The following MPO variants were observed in gnomAD, a reference collection of about 807,000 sequenced individuals.
MPO encodes myeloperoxidase.
Under a neutral mutation model 69.4 loss-of-function variants are expected in MPO, and 57 were observed. The observed-to-expected ratio is 0.82, with a 90% confidence interval of 0.66 to 1.02. The LOEUF (loss-of-function observed/expected upper bound fraction) is 1.02. Ranked by LOEUF, MPO falls within the 50% of genes least tolerant of loss-of-function variation. MPO has a pLI of 0.00. For synonymous variants in MPO, 426 were observed against 417.1 expected (o/e 1.02, Z -0.26); for missense variants, 971 against 1,014.1 (o/e 0.96, Z 0.58).
At chr17:58,274,419 A>G (rs1598040606) in intron 8 of MPO, among the ~76,000 whole-genome samples, 1 of 150,378 alleles carries the variant, frequency 6.6e-6, no homozygotes, top group Non-Finnish European at 1.5e-5. Flanking sequence ...TCTGAGGGAG[A>G]GGGTGGGGGC....
Position 58,279,285 on chromosome 17 carries a change from G to C in MPO, c.678+12C>G. On this transcript the variant is annotated intron_variant, in intron 5 of 11. Transcript: ENST00000225275. ...TGGCCGGGCCTCGCCCCCTCTGCCC[G>C]CCGGCGCTCACCAGAGCCACCGGGA... 6.4e-7 allele frequency: 1 copy of C among 1,562,702 alleles called. No individual in the cohort carries two copies. The highest frequency in any genetic ancestry group is 1.4e-5 in the African/African-American group (1 of 73,882).
intron 8 of MPO, among the ~76,000 whole-genome samples, chr17:58,273,908 T>C (rs1002450453): frequency 4.6e-5 from 7 of 152,210 alleles, no homozygotes; most frequent in Non-Finnish European, 4.4e-5. Flanking sequence ...ATTATTAACC[T>C]CTCTGAGCCT....
chr17:58,279,477 C>T (rs1360591951), intron 4 of MPO, 46 bp downstream of exon 4: 1 of 1,612,522 alleles, frequency 6.2e-7, no homozygotes, highest in South Asian at 1.1e-5. Context: ...GCGTCCGGGA[C>T]GCCTCTCTGA....
rs201720064 is a variant in MPO at position 58,271,689 on chromosome 17, C to G, written c.1996G>C (p.Gly666Arg). 6.3e-5 allele frequency: 101 copies of G among 1,613,810 alleles called. No individual in the cohort carries two copies. The highest frequency in any genetic ancestry group is 8.5e-6 in the Non-Finnish European group (10 of 1,180,046). Residue 666 changes from glycine (G) to arginine (R), a missense_variant, in exon 11 of 12, where the codon GGT (glycine) becomes CGT (arginine). Transcript: ENST00000225275. ...TCCCGGAGCTTCCTGAACTGGGTAC[C>G]GATGATGCAGGCGAGGAGTGGGCCC... Reference protein sequence around the residue: ...RVGPLLACIIGTQFRKLRDGD... With the variant: ...RVGPLLACIIRTQFRKLRDGD...
Position 58,279,901 on chromosome 17 carries a change from A to G in MPO, c.362T>C (p.Val121Ala). 1 of 1,614,082 alleles carries G rather than the reference A, an allele frequency of 6.2e-7. No homozygotes were observed. The highest frequency in any genetic ancestry group is 1.1e-5 in the South Asian group (1 of 91,092). ...CTTCCTCTCCAGCAGGTCTAGAGCC[A>G]CGTGCAGGTAGTCAGCGGCCCTCAC... is the stretch of plus-strand genomic sequence containing the variant. Reference protein sequence around the residue: ...TAVRAADYLHVALDLLERKLR... With the variant: ...TAVRAADYLHAALDLLERKLR... Residue 121 changes from valine to alanine, a missense_variant, in exon 3 of 12, where the codon GTG (valine) becomes GCG (alanine). Physicochemically the swap from Val to Ala is moderately conservative, Grantham distance 64 (BLOSUM62 0). Transcript: ENST00000225275.
At chr17:58,271,154 T>G (rs2143965406) in intron 11 of MPO, among the ~76,000 whole-genome samples, 2 of 152,258 alleles carry the variant, frequency 1.3e-5, no homozygotes, top group Middle Eastern at 6.8e-3. Context: ...CCTGAAGCCC[T>G]GTGCCCTGGC....
chr17:58,273,542 A>G lies in MPO; in HGVS notation c.1493T>C (p.Phe498Ser), dbSNP rs566853088. 6.2e-7 allele frequency: 1 copy of G among 1,614,238 alleles called. No homozygotes were observed. Among genetic ancestry groups the G allele is most frequent in the Non-Finnish European group, 8.5e-7 (1 of 1,180,036 alleles). The change falls in exon 9 of 12, where the codon TTC becomes TCC. Residue 498 changes from phenylalanine to serine, a missense_variant. By Grantham distance (155) the Phe-to-Ser change is radical (BLOSUM62 -2). Coordinates refer to ENST00000225275, the MANE Select transcript of MPO (RefSeq NM_000250.2). The stretch of plus-strand genomic sequence containing the variant: ...TTGGATGAGGGTGTGGCCGTAGCGG[A>G]AGGCATTGGTGAAGACGTTGGCGAT... ...PRIANVFTNA[F>S]RYGHTLIQPF... is the part of the protein sequence containing the mutation.
chr17:58,274,203 T>C (rs570627857), intron 8 of MPO: 1 of 498,804 alleles, frequency 2.0e-6, no homozygotes, highest in African/African-American at 1.9e-5. Flanking sequence ...ATTTTCCCTG[T>C]GAAAAGTGAA....
Position 58,280,803 on chromosome 17 carries a change from C to T in MPO, c.-45G>A, listed in dbSNP as rs1336795632. ...TCAATCCCCCTTTGTACCTCAGCCC[C>T]ACCTCAGAGGGCCCTGTCTATGGAT... is the stretch of plus-strand genomic sequence containing the variant. On this transcript the variant is annotated 5_prime_UTR_variant, in exon 1 of 12. Coordinates refer to ENST00000225275, the MANE Select transcript of MPO (RefSeq NM_000250.2). 1.2e-6 allele frequency: 2 copies of T among 1,610,458 alleles called. No individual in the cohort carries two copies. The highest frequency in any genetic ancestry group is 1.7e-6 in the Non-Finnish European group (2 of 1,177,928).
rs761907241 is a variant in MPO at position 58,273,701 on chromosome 17, ACC to A, written c.1366-34_1366-33del. 13 of 1,613,844 alleles carry A rather than the reference ACC, an allele frequency of 8.1e-6. No homozygotes were observed. In the Admixed American group the frequency reaches 2.2e-4, roughly 27 times the overall value. ...ACAAGTCATTTGGAATGGCCTCTCC[ACC>A]CACTCCTCCACAGCAAATGCCGCCT... On this transcript the variant is annotated intron_variant, in intron 8 of 11. Coordinates refer to ENST00000225275, the MANE Select transcript of MPO (RefSeq NM_000250.2).
rs746364041 is a variant in MPO, at chr17:58,270,639, AC to A, written c.*16del. 1.3e-6 allele frequency: 2 copies of A among 1,593,626 alleles called. No individual in the cohort carries two copies. Among genetic ancestry groups the A allele is most frequent in the Non-Finnish European group, 1.7e-6 (2 of 1,168,756 alleles). ...GCCCAGATATACCCCTCACTGCTGC[AC>A]CCCCTTACCTGGCCTCTAGGAGGCT... On this transcript the variant is annotated 3_prime_UTR_variant, in exon 12 of 12. Coordinates refer to ENST00000225275, the MANE Select transcript of MPO (RefSeq NM_000250.2). The surrounding 1 kb of genome is among the most constrained non-coding windows in gnomAD (Gnocchi z 4.1).
rs565191358 is a variant in MPO at position 58,272,655 on chromosome 17, G to A, written c.1792+93C>T. 255 of 1,453,484 alleles carry A rather than the reference G, an allele frequency of 1.8e-4. 1 individual carries two copies. The East Asian group carries it at 5.5e-3, about 32-fold the overall frequency. The allele number at this position is 1,453,484 out of a possible 1,614,324, so 90.0% of individuals were successfully genotyped here. On this transcript the variant is annotated intron_variant, in intron 10 of 11. Coordinates refer to ENST00000225275, the MANE Select transcript of MPO (RefSeq NM_000250.2). ...GTGCCTCTAATATGCTTTGGAGAGG[G>A]CAGGGACCCTAGAGTGGGAAGGGGG...
Position 58,280,721 on chromosome 17 carries a change from A to T in MPO, c.38T>A (p.Val13Glu). The T allele has an allele frequency of 6.2e-7, 1 of 1,614,186 alleles. No homozygotes were observed. The highest frequency in any genetic ancestry group is 8.5e-7 in the Non-Finnish European group (1 of 1,180,030). Residue 13 changes from valine to glutamate, a missense_variant, in exon 1 of 12, where the codon GTG (valine) becomes GAG (glutamate). Transcript: ENST00000225275. ...VPFFSSLRCM[V>E]DLGPCWAGGL... ...CCCAGCCCAGCAAGGTCCTAAGTCC[A>T]CCATGCATCTGAGAGAAGAGAAGAA...
At chr17:58,278,709 T>C (rs955530949) in intron 6 of MPO, 3 of 524,778 alleles carry the variant, frequency 5.7e-6, no homozygotes, top group Non-Finnish European at 1.0e-5. Flanking sequence ...TCTCCCAACC[T>C]AACAAAGAGC....
In MPO at chr17:58,280,798, AG is replaced by A. The variant is rs755782294; in HGVS notation, c.-41del. The A allele has an allele frequency of 9.9e-6, 16 of 1,612,310 alleles. No homozygotes were observed. In the Admixed American group the frequency reaches 2.7e-4, roughly 27 times the overall value. ...GCTGCTCAATCCCCCTTTGTACCTCAGCCCCACCTCAGAGGGCCCTGTCTAT... is the reference window on the plus strand; with the variant it reads ...GCTGCTCAATCCCCCTTTGTACCTCACCCCACCTCAGAGGGCCCTGTCTAT... On this transcript the variant is annotated 5_prime_UTR_variant, in exon 1 of 12. Transcript: ENST00000225275.
At chr17:58,273,149 G>A (rs562533452) in intron 9 of MPO, among the ~76,000 whole-genome samples, 33 of 152,274 alleles carry the variant, frequency 2.2e-4, no homozygotes, top group African/African-American at 6.7e-4. Context: ...TGCAAGATTG[G>A]GATGCTCCCA....
rs119469014 is a variant in MPO at position 58,273,540 on chromosome 17, G to C, written c.1495C>G (p.Arg499Gly). 6.8e-6 allele frequency: 11 copies of C among 1,614,230 alleles called. No individual in the cohort carries two copies. The South Asian group carries it at 1.2e-4, about 18-fold the overall frequency. Residue 499 changes from arginine to glycine, a missense_variant, in exon 9 of 12, where the codon CGC (arginine) becomes GGC (glycine). Physicochemically the swap from Arg to Gly is moderately radical, Grantham distance 125. Transcript: ENST00000225275. ...RIANVFTNAF[R>G]YGHTLIQPFM... ...GGTTGGATGAGGGTGTGGCCGTAGC[G>C]GAAGGCATTGGTGAAGACGTTGGCG...
In MPO at chr17:58,275,662, CAT is replaced by C; in HGVS notation, c.1243_1244del (p.Met415AlafsTer21). 1 of 1,614,154 alleles carries C rather than the reference CAT, an allele frequency of 6.2e-7. No homozygotes were observed. Among genetic ancestry groups the C allele is most frequent in the South Asian group, 1.1e-5 (1 of 91,084 alleles). Reference protein sequence around the residue: ...RSSEMPELTSMHTLLLREHNR... With the variant: ...RSSEMPELTSXHTLLLREHNR... ...TGTGCTCCCGAAGTAAGAGGGTGTGCATGGAGGTGAGCTCGGGCATCTCACTG... is the reference window on the plus strand; with the variant it reads ...TGTGCTCCCGAAGTAAGAGGGTGTGCGGAGGTGAGCTCGGGCATCTCACTG... On this transcript the variant is annotated frameshift_variant, in exon 8 of 12. Coordinates refer to ENST00000225275, the MANE Select transcript of MPO (RefSeq NM_000250.2). LOFTEE classifies it high-confidence loss of function. This position sits in a 1 kb window ranked among gnomAD's most constrained non-coding sequence, Gnocchi z 4.1.
Position 58,275,456 on chromosome 17 carries a change from C to A in MPO, c.1365+86G>T. 12 of 1,547,924 alleles carry A rather than the reference C, an allele frequency of 7.8e-6. No individual in the cohort carries two copies. The highest frequency in any genetic ancestry group is 9.8e-6 in the Non-Finnish European group (11 of 1,122,174). On this transcript the variant is annotated intron_variant, in intron 8 of 11. Transcript: ENST00000225275. The surrounding 1 kb of genome is among the most constrained non-coding windows in gnomAD (Gnocchi z 4.1). ...GGATGAAGAAGGCAAGGCTCAGGAG[C>A]GTTAGGAACTTGCCCAAGGTCACAC...
Sources: allele counts gnomAD v4.1 joint callset (sites outside exome capture counted in the v4.1 genomes callset), GRCh38; gene constraint gnomAD v4.1.1; non-coding constraint Gnocchi (gnomAD v3.1); transcripts MANE v1.5; gene names NCBI Gene and HGNC (gene_info 2026-07-23, HGNC 2026-07-21).